Variants in ATOSA observed in about 807,000 individuals in gnomAD.
ATOSA encodes atos homolog protein A.
chr15:52,594,477 G>A, the ATOSA span, among the ~76,000 whole-genome samples: 17 of 152,126 alleles, frequency 1.1e-4, no homozygotes, highest in African/African-American at 3.9e-4. Context: ...ATCATGAAAT[G>A]TGAGTAGCAT....
chr15:52,707,645 C>G, the ATOSA span, among the ~76,000 whole-genome samples: 1 of 151,960 alleles, frequency 6.6e-6, no homozygotes, highest in Non-Finnish European at 1.5e-5. Context: ...AATAATAGAT[C>G]AATATTAAAT....
chr15:52,582,280 G>C, the ATOSA span: 2 of 1,585,524 alleles, frequency 1.3e-6, no homozygotes, highest in East Asian at 2.3e-5. Context: ...TATGGAGGTA[G>C]ATCTTTCCAG....
the ATOSA span, among the ~76,000 whole-genome samples, chr15:52,646,777 C>T: frequency 2.0e-5 from 3 of 152,088 alleles, no homozygotes; most frequent in Non-Finnish European, 2.9e-5. Context: ...AAGTTCTTAA[C>T]CTAAGGTAAT....
chr15:52,587,428 T>C, the ATOSA span: 46,683 of 445,176 alleles, frequency 0.1, 3,730 homozygotes, highest in East Asian at 0.35. Flanking sequence ...ATAAAGAATA[T>C]ATAACATCAA....
chr15:52,701,961 G>A, the ATOSA span, among the ~76,000 whole-genome samples: 354 of 152,006 alleles, frequency 2.3e-3, no homozygotes, highest in African/African-American at 8.1e-3. Flanking sequence ...TTAAAAAAGA[G>A]AAGACAAAAA....
the ATOSA span, among the ~76,000 whole-genome samples, chr15:52,659,925 C>T: frequency 3.9e-5 from 6 of 152,088 alleles, no homozygotes; most frequent in South Asian, 1.2e-3. Context: ...TGAAAGGAGA[C>T]CATTGTGAAA....
chr15:52,591,225 C>G, the ATOSA span, among the ~76,000 whole-genome samples: 1 of 152,226 alleles, frequency 6.6e-6, no homozygotes, highest in East Asian at 1.9e-4. Flanking sequence ...TGATAGATCA[C>G]AGTATTTTAT....
chr15:52,597,865 C>T, the ATOSA span, among the ~76,000 whole-genome samples: 3 of 152,182 alleles, frequency 2.0e-5, no homozygotes, highest in African/African-American at 7.2e-5. Flanking sequence ...TGGCTTATGC[C>T]TGTAATCCCA....
the ATOSA span, chr15:52,593,300 C>T: frequency 2.8e-5 from 9 of 323,264 alleles, no homozygotes; most frequent in African/African-American, 2.0e-4. Context: ...TGTGTGTGAA[C>T]TCAGCAAGAT....
chr15:52,694,158 A>ATG, the ATOSA span, among the ~76,000 whole-genome samples: 1 of 107,366 alleles, frequency 9.3e-6, no homozygotes, highest in Admixed American at 1.0e-4. Context: ...GTATATATAG[A>ATG]TATATATATA....
chr15:52,699,115 C>G, the ATOSA span, among the ~76,000 whole-genome samples: 1 of 152,180 alleles, frequency 6.6e-6, no homozygotes, highest in Admixed American at 6.5e-5. Flanking sequence ...TTGCCCCAGC[C>G]TCGGACAAGT....
chr15:52,650,095 A>G, the ATOSA span, among the ~76,000 whole-genome samples: 6 of 152,236 alleles, frequency 3.9e-5, no homozygotes, highest in South Asian at 1.0e-3. Flanking sequence ...TATAATTAGA[A>G]AATAAAATTA....
the ATOSA span, among the ~76,000 whole-genome samples, chr15:52,700,741 A>G: frequency 6.6e-6 from 1 of 152,234 alleles, no homozygotes; most frequent in Non-Finnish European, 1.5e-5. Flanking sequence ...TTTATTGGAA[A>G]GCAAGCAAAA....
At chr15:52,677,451 A>G in the ATOSA span, among the ~76,000 whole-genome samples, 2 of 152,248 alleles carry the variant, frequency 1.3e-5, no homozygotes, top group Admixed American at 6.5e-5. Flanking sequence ...AAAAGAAGTG[A>G]CATTTACTTA....
the ATOSA span, among the ~76,000 whole-genome samples, chr15:52,697,957 A>ATTTTGTTTTTTTTTTTTTTT: frequency 2.2e-5 from 1 of 44,736 alleles, no homozygotes; most frequent in Non-Finnish European, 4.0e-5. Flanking sequence ...GGGATGTAGA[A>ATTTTGTTTTTTTTTTTTTTT]TTTTTTTTTT....
At chr15:52,598,123 C>A in the ATOSA span, among the ~76,000 whole-genome samples, 4 of 151,134 alleles carry the variant, frequency 2.6e-5, no homozygotes, top group Non-Finnish European at 4.4e-5. Flanking sequence ...GACTCTGTCT[C>A]AAAACAAACA....
chr15:52,693,255 A>G, the ATOSA span, among the ~76,000 whole-genome samples: 3 of 152,218 alleles, frequency 2.0e-5, no homozygotes, highest in African/African-American at 7.2e-5. Context: ...CCCTGTCTCT[A>G]CTAAAAGTAC....
At chr15:52,588,760 T>C in the ATOSA span, among the ~76,000 whole-genome samples, 1 of 152,226 alleles carries the variant, frequency 6.6e-6, no homozygotes, top group East Asian at 1.9e-4. Flanking sequence ...GCTGTGATAC[T>C]TAAAGAGCTT....
chr15:52,673,736 C>T, the ATOSA span, among the ~76,000 whole-genome samples: 3 of 152,242 alleles, frequency 2.0e-5, no homozygotes, highest in African/African-American at 7.2e-5. Flanking sequence ...ATGAACTATT[C>T]TTAGCAAGCA....
Sources: gnomAD v4.1 joint callset for allele counts (sites outside exome capture counted in the v4.1 genomes callset) on GRCh38, gnomAD v4.1.1 for gene constraint, MANE v1.5 for transcripts, NCBI Gene and HGNC (gene_info 2026-07-23, HGNC 2026-07-21) for gene names.